Variants in RIOK1 observed in about 807,000 individuals in gnomAD.
RIOK1 encodes serine/threonine-protein kinase RIO1.
In RIOK1, 66 loss-of-function variants were observed where a neutral mutation model predicts 73.5. The ratio of observed to expected loss-of-function variants is 0.90; its 90% CI spans 0.74 to 1.10. The LOEUF (loss-of-function observed/expected upper bound fraction) is 1.10. RIOK1 is among the 50% of genes least tolerant of loss of function. The probability of loss-of-function intolerance (pLI) is 0.00; values close to 1 mark genes in which losing one functional copy is unlikely to be tolerated. For synonymous variants in RIOK1, 224 were observed against 226.8 expected (o/e 0.99, Z 0.11); for missense variants, 658 against 699.8 (o/e 0.94, Z 0.67).
chr6:7,415,534 A>T (rs371025257), intron 16 of RIOK1, among the ~76,000 whole-genome samples: 33 of 152,380 alleles, frequency 2.2e-4, no homozygotes, highest in African/African-American at 7.2e-4. Context: ...AAAACTTAGG[A>T]CCATAGCATG....
Position 7,404,904 on chromosome 6 carries a change from T to A in RIOK1, c.993-14T>A. On this transcript the variant is annotated splice_polypyrimidine_tract_variant and intron_variant, in intron 10 of 16. Transcript: ENST00000379834. ...GTAATACCATCCCACAGCTTCTGTGTCTCTGGCCCATAGGTACCACGGTGG... is the reference window on the plus strand; with the variant it reads ...GTAATACCATCCCACAGCTTCTGTGACTCTGGCCCATAGGTACCACGGTGG... 2 of 1,602,438 alleles carry A rather than the reference T, an allele frequency of 1.2e-6. No homozygotes were observed. The highest frequency in any genetic ancestry group is 4.5e-5 in the East Asian group (2 of 44,846).
chr6:7,407,820 G>T (rs186514305), intron 12 of RIOK1, among the ~76,000 whole-genome samples: 64 of 151,468 alleles, frequency 4.2e-4, no homozygotes, highest in African/African-American at 1.4e-3. Flanking sequence ...ATCAGGTTTG[G>T]TTTTTTTTGT....
intron 6 of RIOK1, among the ~76,000 whole-genome samples, chr6:7,401,689 C>CTTTTTT (rs35177259): frequency 9.2e-6 from 1 of 109,264 alleles, no homozygotes; most frequent in Non-Finnish European, 1.8e-5. Flanking sequence ...TAAACAGAGT[C>CTTTTTT]TTTTTTTTTT....
intron 4 of RIOK1, 123 bp downstream of exon 4, chr6:7,396,895 G>GTGTA: frequency 6.0e-6 from 3 of 496,446 alleles, no homozygotes; most frequent in South Asian, 5.9e-5. Context: ...TTATTTTGGT[G>GTGTA]TGTGTGTGTG....
chr6:7,415,785 C>T (rs1283417603), intron 16 of RIOK1, among the ~76,000 whole-genome samples: 1 of 152,202 alleles, frequency 6.6e-6, no homozygotes, highest in Non-Finnish European at 1.5e-5. Context: ...ACCAGAGAGG[C>T]TGCATCTGCC....
chr6:7,400,137 C>T (rs1444470313), intron 5 of RIOK1, among the ~76,000 whole-genome samples: 2 of 152,158 alleles, frequency 1.3e-5, no homozygotes, highest in African/African-American at 2.4e-5. Context: ...CCATTTTACT[C>T]AAGATTGATT....
chr6:7,405,246 C>T lies in RIOK1; in HGVS notation c.1097-3C>T, dbSNP rs1554141859. ...CTGTCATTAACGTTTTTCCTTCTGA[C>T]AGATTTCTTTATGAGGCACAGTGTT... is the stretch of plus-strand genomic sequence containing the variant. On this transcript the variant is annotated splice_polypyrimidine_tract_variant and splice_region_variant and intron_variant, in intron 11 of 16. Coordinates refer to ENST00000379834, the MANE Select transcript of RIOK1 (RefSeq NM_031480.3). 4 of 1,592,560 alleles carry T rather than the reference C, an allele frequency of 2.5e-6. No homozygotes were observed. The Admixed American group carries it at 5.1e-5, about 20-fold the overall frequency.
chr6:7,393,024 ACAT>A, intron 1 of RIOK1, 72 bp from the exon 2 acceptor site: 1 of 1,418,650 alleles, frequency 7.0e-7, no homozygotes, highest in Non-Finnish European at 9.6e-7. Flanking sequence ...TTAATATCTT[ACAT>A]CATAAATATG....
At chr6:7,401,160 A>C (rs1032613641) in intron 6 of RIOK1, 110 bp downstream of exon 6, 1 of 704,886 alleles carries the variant, frequency 1.4e-6, no homozygotes, top group African/African-American at 1.8e-5. Flanking sequence ...AAACAAAGCC[A>C]TACACATTAA....
At chr6:7,395,513 CAA>C (rs34911861) in intron 3 of RIOK1, among the ~76,000 whole-genome samples, 4 of 108,146 alleles carry the variant, frequency 3.7e-5, no homozygotes, top group African/African-American at 4.5e-5. Context: ...AATTCCATCT[CAA>C]AAAAAAAAAA....
chr6:7,401,444 A>G (rs924421232), intron 6 of RIOK1, among the ~76,000 whole-genome samples: 6 of 152,164 alleles, frequency 3.9e-5, no homozygotes, highest in African/African-American at 1.4e-4. Context: ...TTGACTCAAA[A>G]TTGACTACTC....
At position 7,404,999 on chromosome 6, in the gene RIOK1, A is replaced by G. The variant is rs372985344; in HGVS notation, c.1074A>G (p.Arg358=). 2 of 1,613,966 alleles carry G rather than the reference A, an allele frequency of 1.2e-6. No individual in the cohort carries two copies. The highest frequency in any genetic ancestry group is 2.7e-5 in the African/African-American group (2 of 74,944). ...ACCCACATGCCTTGGAGTTCTTGAGAAAGGATTGCGCCAACGTCAATGGTG... is the reference window on the plus strand; with the variant it reads ...ACCCACATGCCTTGGAGTTCTTGAGGAAGGATTGCGCCAACGTCAATGGTG... ...HDHPHALEFL[R]KDCANVNDFF... Residue 358 remains arginine, a synonymous_variant, in exon 11 of 17, where the codon AGA becomes AGG. Coordinates refer to ENST00000379834, the MANE Select transcript of RIOK1 (RefSeq NM_031480.3).
chr6:7,390,007 A>C lies in RIOK1; in HGVS notation c.5A>C (p.Asp2Ala). 6.4e-7 allele frequency: 1 copy of C among 1,552,546 alleles called. No individual in the cohort carries two copies. Among genetic ancestry groups the C allele is most frequent in the Non-Finnish European group, 8.7e-7 (1 of 1,148,032 alleles). Residue 2 changes from aspartate to alanine, a missense_variant, in exon 1 of 17, where the codon GAC becomes GCC. By Grantham distance (126) the Asp-to-Ala change is moderately radical. Coordinates refer to ENST00000379834, the MANE Select transcript of RIOK1 (RefSeq NM_031480.3). ...CTCCGGCGGCGCTCTCCAGTCATGG[A>C]CTACCGGCGGCTTCTCATGAGCCGG... M[D>A]YRRLLMSRVV...
chr6:7,396,661 C>A, intron 3 of RIOK1, 42 bp from the exon 4 acceptor site: 2 of 1,225,636 alleles, frequency 1.6e-6, no homozygotes, highest in South Asian at 1.3e-5. Context: ...AATGTCTTTT[C>A]GTCTTACATA....
chr6:7,414,954 C>T (rs1367040327), intron 16 of RIOK1, among the ~76,000 whole-genome samples: 6 of 152,188 alleles, frequency 3.9e-5, no homozygotes, highest in South Asian at 2.1e-4. Context: ...TTCACACTGT[C>T]GACACTCCCC....
chr6:7,412,360 CAA>C (rs555194421), intron 14 of RIOK1, among the ~76,000 whole-genome samples: 7 of 107,678 alleles, frequency 6.5e-5, no homozygotes, highest in Non-Finnish European at 1.9e-5. Context: ...AACTCTGTCT[CAA>C]AAAAAAAAAA....
At chr6:7,390,981 C>G (rs1422068807) in intron 1 of RIOK1, among the ~76,000 whole-genome samples, 2 of 152,104 alleles carry the variant, frequency 1.3e-5, no homozygotes, top group Non-Finnish European at 2.9e-5. Flanking sequence ...AGCCCAGATC[C>G]TAAAGATATG....
chr6:7,411,506 G>C lies in RIOK1; in HGVS notation c.1389+55G>C, dbSNP rs1228062238. 20 of 1,594,522 alleles carry C rather than the reference G, an allele frequency of 1.3e-5. No individual in the cohort carries two copies. In the East Asian group the frequency reaches 4.0e-4, roughly 32 times the overall value. On this transcript the variant is annotated intron_variant, in intron 14 of 16. Coordinates refer to ENST00000379834, the MANE Select transcript of RIOK1 (RefSeq NM_031480.3). ...AGCTCTTCAAAAGTAGTAGGGGACT[G>C]TCCCAAACCTATCTGGGCCTTTTAA... is the stretch of plus-strand genomic sequence containing the variant.
intron 1 of RIOK1, 146 bp from the exon 2 acceptor site, chr6:7,392,952 GA>G: frequency 7.5e-7 from 1 of 1,328,440 alleles, no homozygotes; most frequent in Non-Finnish European, 9.6e-7. Flanking sequence ...GTTTTAAGGA[GA>G]TGGAGCTTAT....
Sources: gnomAD v4.1 joint callset for allele counts (sites outside exome capture counted in the v4.1 genomes callset) on GRCh38, gnomAD v4.1.1 for gene constraint, MANE v1.5 for transcripts, NCBI Gene and HGNC (gene_info 2026-07-23, HGNC 2026-07-21) for gene names.